ANO5: variants seen among roughly 807,000 people sequenced by gnomAD.
ANO5 encodes anoctamin-5.
ANO5 carries 109 observed loss-of-function variants against 121.0 expected under a neutral mutation model. The observed-to-expected ratio is 0.90, with a 90% confidence interval of 0.77 to 1.06. The LOEUF is 1.06. Ranked by LOEUF, ANO5 falls within the 50% of genes least tolerant of loss-of-function variation. The pLI, the probability that ANO5 is intolerant of heterozygous loss-of-function variation, is 0.00. For missense variants in ANO5, 1,064 were observed against 1,078.5 expected, an observed-to-expected ratio of 0.99 and a Z score of 0.19; for synonymous variants, 406 against 359.9, an observed-to-expected ratio of 1.13 and a Z score of -1.45.
chr11:22,228,288 C>T (rs1208611409), intron 7 of ANO5, among the ~76,000 whole-genome samples: 2 of 151,624 alleles, frequency 1.3e-5, no homozygotes, highest in Non-Finnish European at 1.5e-5. Context: ...ATGTTATTAT[C>T]ATTATTTATC....
chr11:22,213,491 A>G (rs1852346731), intron 3 of ANO5, among the ~76,000 whole-genome samples: 1 of 151,888 alleles, frequency 6.6e-6, no homozygotes, highest in African/African-American at 2.4e-5. Context: ...GAGGAAGATA[A>G]TAGAAGTGTC....
chr11:22,265,294 AGAT>A (rs1225034139), intron 17 of ANO5, among the ~76,000 whole-genome samples: 1 of 152,182 alleles, frequency 6.6e-6, no homozygotes, highest in Admixed American at 6.5e-5. Context: ...AGATGCCAAA[AGAT>A]AATGTTTTCA....
At chr11:22,238,553 T>G (rs368096302) in intron 8 of ANO5, among the ~76,000 whole-genome samples, 2 of 152,066 alleles carry the variant, frequency 1.3e-5, no homozygotes, top group Non-Finnish European at 2.9e-5. Context: ...TTTTCCCTTA[T>G]GTGCTTTACA....
chr11:22,243,849 T>C (rs1433990424), intron 9 of ANO5, among the ~76,000 whole-genome samples: 1 of 152,222 alleles, frequency 6.6e-6, no homozygotes, highest in East Asian at 1.9e-4. Context: ...ATTTATTCTT[T>C]TGAAGAACCA....
At position 22,245,304 on chromosome 11, in the gene ANO5, G is replaced by A. The variant is rs543553214; in HGVS notation, c.879-4933G>A. Reference sequence around the variant, plus strand: ...CCCTCTCTCCTTGCTGGTATGCTTCGGGATCCTGGGGGAGACCCCTCTGAT... The same window carrying A: ...CCCTCTCTCCTTGCTGGTATGCTTCAGGATCCTGGGGGAGACCCCTCTGAT... On this transcript the variant is annotated intron_variant, in intron 9 of 21. Transcript: ENST00000324559. 3.9e-5 allele frequency among the ~76,000 whole-genome samples: 6 copies of A among 152,194 alleles called. No individual in the cohort carries two copies. The South Asian group carries it at 8.3e-4, about 21-fold the overall frequency.
intron 18 of ANO5, among the ~76,000 whole-genome samples, chr11:22,271,298 T>A (rs1854603651): frequency 6.6e-6 from 1 of 152,120 alleles, no homozygotes; most frequent in Admixed American, 6.6e-5. Flanking sequence ...TTCTCCCGCC[T>A]CGGCCTCCCA....
intron 17 of ANO5, among the ~76,000 whole-genome samples, chr11:22,263,739 A>G (rs908428059): frequency 2.6e-5 from 4 of 152,158 alleles, no homozygotes; most frequent in Non-Finnish European, 4.4e-5. Context: ...CATGCAATAC[A>G]AAGTGGAGTA....
chr11:22,233,959 T>C (rs999745248), intron 7 of ANO5, among the ~76,000 whole-genome samples: 1 of 152,084 alleles, frequency 6.6e-6, no homozygotes, highest in African/African-American at 2.4e-5. Flanking sequence ...GCTTTGATTG[T>C]GCTTTATCTT....
intron 4 of ANO5, among the ~76,000 whole-genome samples, chr11:22,219,372 T>C (rs1398405193): frequency 6.6e-6 from 1 of 152,070 alleles, no homozygotes; most frequent in East Asian, 1.9e-4. Context: ...ATATGAGTTT[T>C]GTTAATTCAT....
chr11:22,270,754 G>C (rs1182383018), intron 18 of ANO5, among the ~76,000 whole-genome samples: 1 of 152,078 alleles, frequency 6.6e-6, no homozygotes. Context: ...TCGCTTTGAT[G>C]GCTATTTCTC....
intron 4 of ANO5, among the ~76,000 whole-genome samples, chr11:22,218,705 G>A (rs1852543227): frequency 6.6e-6 from 1 of 151,872 alleles, no homozygotes; most frequent in South Asian, 2.1e-4. Flanking sequence ...GGACCACAGG[G>A]GCACACCACC....
intron 21 of ANO5, among the ~76,000 whole-genome samples, chr11:22,277,079 T>C (rs940314478): frequency 6.6e-6 from 1 of 151,640 alleles, no homozygotes; most frequent in African/African-American, 2.4e-5. Context: ...ATTCTTCTAG[T>C]AGTTGCCCTT....
In ANO5 at chr11:22,276,076, T is replaced by TTTACTTCCACTTTTCAG; in HGVS notation, c.2415-17_2415-1dup. On this transcript the variant is annotated splice_polypyrimidine_tract_variant and intron_variant, in intron 20 of 21. Transcript: ENST00000324559. ...ACTATTATTATTTTTTTTTTTTGCA[T>TTTACTTCCACTTTTCAG]TTACTTCCACTTTTCAGGTACAGAG... is the stretch of plus-strand genomic sequence containing the variant. 6.5e-7 allele frequency: 1 copy of TTTACTTCCACTTTTCAG among 1,530,070 alleles called. No homozygotes were observed. The highest frequency in any genetic ancestry group is 1.4e-5 in the African/African-American group (1 of 73,070). The allele number at this position is 1,530,070 out of a possible 1,614,324, so 94.8% of individuals were successfully genotyped here. A position where few individuals can be genotyped will look rare whatever the true frequency, so the allele number is the denominator to read the frequency against.
At chr11:22,200,446 A>T (rs987982167) in intron 1 of ANO5, among the ~76,000 whole-genome samples, 3 of 152,204 alleles carry the variant, frequency 2.0e-5, no homozygotes, top group Non-Finnish European at 2.9e-5. Context: ...TCAGCGCTTC[A>T]TGCATTCTTC....
chr11:22,255,570 T>C, intron 13 of ANO5, 48 bp downstream of exon 13: 1 of 1,594,850 alleles, frequency 6.3e-7, no homozygotes, highest in Non-Finnish European at 8.6e-7. Context: ...ATGGACACAC[T>C]GCTATAGGTT....
chr11:22,227,525 A>C lies in ANO5; in HGVS notation c.587A>C (p.Gln196Pro). 6.2e-7 allele frequency: 1 copy of C among 1,613,612 alleles called. No homozygotes were observed. Among genetic ancestry groups the C allele is most frequent in the Non-Finnish European group, 8.5e-7 (1 of 1,179,748 alleles). The stretch of plus-strand genomic sequence containing the variant: ...ACTGCACAATTCAGCAGACATCGGC[A>C]GGAGCTCTTCCTCATCGAAGATCAG... Reference protein sequence around the residue: ...YFTAQFSRHRQELFLIEDQAT... With the variant: ...YFTAQFSRHRPELFLIEDQAT... Residue 196 changes from glutamine (Q) to proline (P), a missense_variant, in exon 7 of 22, where the codon CAG becomes CCG. Physicochemically the swap from Gln to Pro is moderately conservative, Grantham distance 76. Coordinates refer to ENST00000324559, the MANE Select transcript of ANO5 (RefSeq NM_213599.3).
Position 22,274,063 on chromosome 11 carries a change from C to T in ANO5, c.2236-506C>T, listed in dbSNP as rs962852850. Reference sequence around the variant, plus strand: ...AACTTAGGAAAGGATACAAAATTATCATTCCCATGGAATCAAATACTGAAA... The same window carrying T: ...AACTTAGGAAAGGATACAAAATTATTATTCCCATGGAATCAAATACTGAAA... On this transcript the variant is annotated intron_variant, in intron 19 of 21. Transcript: ENST00000324559. 5.3e-5 allele frequency among the ~76,000 whole-genome samples: 8 copies of T among 151,984 alleles called. No individual in the cohort carries two copies. In the East Asian group the frequency reaches 1.5e-3, roughly 29 times the overall value.
At chr11:22,249,145 T>C (rs1184985804) in intron 9 of ANO5, among the ~76,000 whole-genome samples, 4 of 151,928 alleles carry the variant, frequency 2.6e-5, no homozygotes, top group Admixed American at 2.6e-4. Context: ...TCATCATCAC[T>C]GAAAAGAATG....
intron 3 of ANO5, 44 bp downstream of exon 3, chr11:22,211,358 G>C (rs373328047): frequency 6.3e-7 from 1 of 1,578,338 alleles, no homozygotes. Flanking sequence ...GGACACAAAT[G>C]GGGCATCTTT....
Sources: allele counts gnomAD v4.1 joint callset (sites outside exome capture counted in the v4.1 genomes callset), GRCh38; gene constraint gnomAD v4.1.1; transcripts MANE v1.5; gene names NCBI Gene and HGNC (gene_info 2026-07-23, HGNC 2026-07-21).